UBE2R2: variants seen among roughly 807,000 people sequenced by gnomAD.
The protein encoded by UBE2R2 is ubiquitin conjugating enzyme E2 R2.
UBE2R2 carries 1 observed loss-of-function variant against 27.8 expected under a neutral mutation model. The observed-to-expected ratio is 0.04, with a 90% confidence interval of 0.01 to 0.17. The LOEUF (loss-of-function observed/expected upper bound fraction) is 0.17, where lower values mean the gene tolerates loss of function less well. Among genes scored for constraint, UBE2R2 ranks in the 10% least tolerant of loss-of-function variants. The pLI, the probability that UBE2R2 is intolerant of heterozygous loss-of-function variation, is 1.00. For synonymous variants in UBE2R2, 106 were observed against 113.3 expected, an observed-to-expected ratio of 0.94 and a Z score of 0.41; for missense variants, 100 against 291.0, an observed-to-expected ratio of 0.34 and a Z score of 4.78.
rs1036412846 is a variant in UBE2R2 at position 33,919,132 on chromosome 9, T to G, written c.*1895T>G. 6.6e-6 allele frequency: 1 copy of G among 152,368 alleles called. No homozygotes were observed. The highest frequency in any genetic ancestry group is 6.5e-5 in the Admixed American group (1 of 15,276). 9.4% of individuals were successfully genotyped at this position (152,368 alleles called of 1,614,324 possible). A position where few individuals can be genotyped will look rare whatever the true frequency, so the allele number is the denominator to read the frequency against. On this transcript the variant is annotated 3_prime_UTR_variant, in exon 5 of 5. Coordinates refer to ENST00000263228, the MANE Select transcript of UBE2R2 (RefSeq NM_017811.4). Reference sequence around the variant, plus strand: ...AATCTAGTGATTTTAGTCAGATCCATGGAACAGAGCAGCTTCGTAATACAT... The same window carrying G: ...AATCTAGTGATTTTAGTCAGATCCAGGGAACAGAGCAGCTTCGTAATACAT...
chr9:33,817,988 C>T (rs1587418260), intron 1 of UBE2R2, 54 bp downstream of exon 1: 1 of 1,575,136 alleles, frequency 6.3e-7, no homozygotes, highest in Non-Finnish European at 8.6e-7. Flanking sequence ...CTCCGGCTCC[C>T]CGCCGCTTTC....
chr9:33,832,369 T>A (rs1184215439), intron 1 of UBE2R2, among the ~76,000 whole-genome samples: 1 of 149,974 alleles, frequency 6.7e-6, no homozygotes, highest in African/African-American at 2.5e-5. Context: ...TTAATCAAAT[T>A]TTTTCGGCCG....
chr9:33,910,570 T>A (rs1822461315), intron 3 of UBE2R2, among the ~76,000 whole-genome samples: 2 of 152,242 alleles, frequency 1.3e-5, no homozygotes, highest in African/African-American at 4.8e-5. Flanking sequence ...AGACCAGGGA[T>A]GGCATCTAAC....
intron 1 of UBE2R2, among the ~76,000 whole-genome samples, chr9:33,880,206 T>C (rs577172805): frequency 6.6e-6 from 1 of 152,262 alleles, no homozygotes; most frequent in African/African-American, 2.4e-5. Flanking sequence ...TTTTTCTCAT[T>C]TCTTAAGTAG....
At chr9:33,877,141 T>A (rs1248252368) in intron 1 of UBE2R2, among the ~76,000 whole-genome samples, 2 of 150,226 alleles carry the variant, frequency 1.3e-5, no homozygotes, top group Admixed American at 1.3e-4. Context: ...ACTTCTAGAA[T>A]AAAGTCAAAA....
chr9:33,840,741 A>G (rs1210512043), intron 1 of UBE2R2, among the ~76,000 whole-genome samples: 2 of 151,960 alleles, frequency 1.3e-5, no homozygotes, highest in Non-Finnish European at 1.5e-5. Flanking sequence ...TTTTTTTAAA[A>G]TTTTTTGTTG....
intron 1 of UBE2R2, among the ~76,000 whole-genome samples, chr9:33,886,654 A>T (rs902931659): frequency 2.9e-4 from 15 of 51,576 alleles, no homozygotes; most frequent in African/African-American, 7.1e-4. Context: ...ACTCCGTCTT[A>T]AAAAAAAAAA....
Position 33,833,716 on chromosome 9 carries a change from G to A in UBE2R2, c.177+15782G>A, listed in dbSNP as rs564607803. Reference sequence around the variant, plus strand: ...ACATTAAGTATATTCACTGTGAAGTGTAACCAGCATCATGACCTATTTTCT... The same window carrying A: ...ACATTAAGTATATTCACTGTGAAGTATAACCAGCATCATGACCTATTTTCT... On this transcript the variant is annotated intron_variant, in intron 1 of 4. Coordinates refer to ENST00000263228, the MANE Select transcript of UBE2R2 (RefSeq NM_017811.4). Among the ~76,000 whole-genome samples, 31 of 152,286 alleles carry A rather than the reference G, an allele frequency of 2.0e-4. 1 individual carries two copies. The highest frequency in any genetic ancestry group is 6.3e-4 in the African/African-American group (26 of 41,576).
At chr9:33,827,830 G>A (rs950200248) in intron 1 of UBE2R2, among the ~76,000 whole-genome samples, 7 of 149,444 alleles carry the variant, frequency 4.7e-5, no homozygotes, top group Admixed American at 4.7e-4. Context: ...AATTAGCTGG[G>A]CATGGTGGCA....
At chr9:33,818,474 A>G (rs1221816826) in intron 1 of UBE2R2, among the ~76,000 whole-genome samples, 2 of 136,702 alleles carry the variant, frequency 1.5e-5, no homozygotes, top group African/African-American at 2.8e-5. Flanking sequence ...GGGTAGTGGT[A>G]GTGCCAACTT....
intron 1 of UBE2R2, among the ~76,000 whole-genome samples, chr9:33,833,509 T>C (rs1027817227): frequency 5.3e-5 from 8 of 152,212 alleles, no homozygotes; most frequent in African/African-American, 1.9e-4. Context: ...GGTCGTTTCT[T>C]GTAAGAGCTT....
upstream of UBE2R2, among the ~76,000 whole-genome samples, chr9:33,815,205 A>C (rs904441068): frequency 6.6e-6 from 1 of 152,226 alleles, no homozygotes; most frequent in Non-Finnish European, 1.5e-5. Context: ...AAACTGCCAC[A>C]GTCAAGAGGA....
intron 1 of UBE2R2, among the ~76,000 whole-genome samples, chr9:33,875,188 A>T (rs1821575664): frequency 6.6e-6 from 1 of 152,066 alleles, no homozygotes; most frequent in Non-Finnish European, 1.5e-5. Flanking sequence ...TATTTTTGAG[A>T]CCTAACTGTA....
Position 33,891,056 on chromosome 9 carries a change from T to TTTTTTTTTTTTTTG in UBE2R2, c.264+4100_264+4101insTTGTTTTTTTTTTT, listed in dbSNP as rs1554676138. 6.9e-5 allele frequency among the ~76,000 whole-genome samples: 9 copies of TTTTTTTTTTTTTTG among 130,268 alleles called. No homozygotes were observed. The East Asian group carries it at 2.1e-3, about 30-fold the overall frequency. 85.5% of individuals were successfully genotyped at this position (130,268 alleles called of 152,430 possible). ...TTTTTGTTGTTGTTGTGTTTTTTTG[T>TTTTTTTTTTTTTTG]TTTTTTTTTTTGAGATGGAGTCTTG... is the stretch of plus-strand genomic sequence containing the variant. On this transcript the variant is annotated intron_variant, in intron 2 of 4. Coordinates refer to ENST00000263228, the MANE Select transcript of UBE2R2 (RefSeq NM_017811.4).
chr9:33,841,108 A>C (rs867203231), intron 1 of UBE2R2, among the ~76,000 whole-genome samples: 3 of 151,540 alleles, frequency 2.0e-5, no homozygotes, highest in Non-Finnish European at 4.4e-5. Context: ...TTTGAGACGA[A>C]GTCTTGCTTT....
At chr9:33,858,834 GTTTT>G (rs1821162243) in intron 1 of UBE2R2, among the ~76,000 whole-genome samples, 2 of 151,944 alleles carry the variant, frequency 1.3e-5, no homozygotes, top group South Asian at 4.2e-4. Flanking sequence ...GTTTTGTTTT[GTTTT>G]GTTTGAGATG....
chr9:33,870,776 T>TGGCAG (rs971861946), intron 1 of UBE2R2, among the ~76,000 whole-genome samples: 15 of 152,212 alleles, frequency 9.9e-5, no homozygotes, highest in African/African-American at 2.9e-4. Context: ...GTTAGCTCAA[T>TGGCAG]GGCTGACATA....
intron 1 of UBE2R2, among the ~76,000 whole-genome samples, chr9:33,873,271 A>G (rs1035906566): frequency 3.3e-5 from 5 of 151,356 alleles, no homozygotes; most frequent in Non-Finnish European, 4.4e-5. Context: ...TTTTCTCTTT[A>G]ATTTTGTGCT....
At chr9:33,834,267 C>T (rs1005976375) in intron 1 of UBE2R2, among the ~76,000 whole-genome samples, 1 of 147,188 alleles carries the variant, frequency 6.8e-6, no homozygotes, top group Non-Finnish European at 1.5e-5. Context: ...ATGGCTCAGT[C>T]TCGGCTCACT....
Sources: allele counts gnomAD v4.1 joint callset (sites outside exome capture counted in the v4.1 genomes callset), GRCh38; gene constraint gnomAD v4.1.1; transcripts MANE v1.5; gene names NCBI Gene and HGNC (gene_info 2026-07-23, HGNC 2026-07-21).